The following GRM8 variants were observed in gnomAD, a reference collection of about 807,000 sequenced individuals.
GRM8 encodes the protein glutamate metabotropic receptor 8, also known as metabotropic glutamate receptor 8.
Under a neutral mutation model 87.2 loss-of-function variants are expected in GRM8, and 47 were observed. That is an observed-to-expected ratio of 0.54 (90% CI 0.43 to 0.69). The LOEUF (loss-of-function observed/expected upper bound fraction) is 0.69. Ranked by LOEUF, GRM8 falls within the 30% of genes least tolerant of loss-of-function variation. The probability of loss-of-function intolerance (pLI) is 0.00; values close to 1 mark genes in which losing one functional copy is unlikely to be tolerated. For synonymous variants in GRM8, 396 were observed against 404.5 expected, an observed-to-expected ratio of 0.98 and a Z score of 0.25; for missense variants, 1,019 against 1,139.2, an observed-to-expected ratio of 0.89 and a Z score of 1.52.
chr7:126,927,531 A>C (rs1425184383), intron 3 of GRM8, among the ~76,000 whole-genome samples: 1 of 152,214 alleles, frequency 6.6e-6, no homozygotes. Flanking sequence ...AAAGAAAAAA[A>C]CAACCCCATC....
At chr7:126,468,830 C>T (rs544618155) in intron 9 of GRM8, among the ~76,000 whole-genome samples, 1 of 152,072 alleles carries the variant, frequency 6.6e-6, no homozygotes, top group Non-Finnish European at 1.5e-5. Context: ...AGGCAGCATG[C>T]TATACTATTA....
chr7:126,914,245 T>C (rs1481737389), intron 3 of GRM8, among the ~76,000 whole-genome samples: 1 of 152,182 alleles, frequency 6.6e-6, no homozygotes. Context: ...CCAGTCAGAA[T>C]GACTATTATT....
chr7:127,051,346 A>G (rs2132490939), intron 3 of GRM8, among the ~76,000 whole-genome samples: 1 of 9,552 alleles, frequency 1.0e-4, no homozygotes, highest in Non-Finnish European at 2.4e-4. Flanking sequence ...CTTCGTGGCA[A>G]AAAAAAAACC....
At chr7:127,044,127 G>A (rs796083727) in intron 3 of GRM8, among the ~76,000 whole-genome samples, 12 of 152,324 alleles carry the variant, frequency 7.9e-5, no homozygotes, top group African/African-American at 2.4e-4. Flanking sequence ...CCTGTGGAGG[G>A]GAAGCTCAGA....
chr7:126,612,345 A>G (rs1429261085), intron 7 of GRM8, among the ~76,000 whole-genome samples: 9 of 152,146 alleles, frequency 5.9e-5, no homozygotes, highest in African/African-American at 2.2e-4. Flanking sequence ...TCCGGTCCCT[A>G]AATTCATTAT....
chr7:126,627,115 ATTG>A (rs1800783698), intron 7 of GRM8, among the ~76,000 whole-genome samples: 1 of 152,152 alleles, frequency 6.6e-6, no homozygotes, highest in South Asian at 2.1e-4. Context: ...ATCTGATACT[ATTG>A]TTAATGTTTC....
At chr7:126,667,717 G>A (rs1805923430) in intron 7 of GRM8, among the ~76,000 whole-genome samples, 1 of 152,178 alleles carries the variant, frequency 6.6e-6, no homozygotes, top group African/African-American at 2.4e-5. Context: ...AAAGCTGTTG[G>A]GCACAGCTTC....
chr7:126,793,795 G>A (rs1286244688), intron 6 of GRM8, among the ~76,000 whole-genome samples: 1 of 152,104 alleles, frequency 6.6e-6, no homozygotes, highest in Admixed American at 6.6e-5. Context: ...TATATCCTAA[G>A]TTATTTCCAT....
At chr7:126,976,318 G>A (rs529626640) in intron 3 of GRM8, among the ~76,000 whole-genome samples, 11 of 152,168 alleles carry the variant, frequency 7.2e-5, no homozygotes, top group Admixed American at 2.6e-4. Context: ...AGTATTGGCC[G>A]GGCGCAGTGG....
intron 2 of GRM8, among the ~76,000 whole-genome samples, chr7:127,143,901 T>C (rs1828408370): frequency 6.6e-6 from 1 of 152,128 alleles, no homozygotes; most frequent in Non-Finnish European, 1.5e-5. Flanking sequence ...CTGCAATAGG[T>C]ATAAATGTGT....
chr7:126,718,017 G>C (rs1238439498), intron 7 of GRM8, among the ~76,000 whole-genome samples: 1 of 152,004 alleles, frequency 6.6e-6, no homozygotes, highest in Non-Finnish European at 1.5e-5. Context: ...CGGATCACAA[G>C]GTCAGGAGAT....
At chr7:126,853,503 T>A (rs1797407227) in intron 6 of GRM8, among the ~76,000 whole-genome samples, 1 of 152,198 alleles carries the variant, frequency 6.6e-6, no homozygotes, top group South Asian at 2.1e-4. Context: ...CAGTTAGGAC[T>A]CTTCCTGGAC....
At chr7:126,507,706 A>C (rs1810691085) in intron 9 of GRM8, among the ~76,000 whole-genome samples, 1 of 152,046 alleles carries the variant, frequency 6.6e-6, no homozygotes, top group Admixed American at 6.6e-5. Context: ...CTTCCCTTTG[A>C]TGAAGGTCCG....
chr7:127,054,785 T>A (rs17869779), intron 3 of GRM8, among the ~76,000 whole-genome samples: 1,526 of 152,226 alleles, frequency 0.01, 22 homozygotes, highest in African/African-American at 0.033. Context: ...AATAAATAGG[T>A]TGTATAAACC....
chr7:126,782,663 G>T (rs1430538280), intron 6 of GRM8, among the ~76,000 whole-genome samples: 1 of 152,072 alleles, frequency 6.6e-6, no homozygotes, highest in African/African-American at 2.4e-5. Context: ...AAACACAAAC[G>T]ATTTTATAAC....
intron 2 of GRM8, among the ~76,000 whole-genome samples, chr7:127,223,304 A>C (rs1797057044): frequency 6.6e-6 from 1 of 152,056 alleles, no homozygotes; most frequent in South Asian, 2.1e-4. Flanking sequence ...ACATAGACCA[A>C]AAACAAATAA....
chr7:126,609,692 G>A (rs79535859), intron 7 of GRM8, among the ~76,000 whole-genome samples, 194 bp from the exon 8 acceptor site: 2 of 152,266 alleles, frequency 1.3e-5, no homozygotes, highest in African/African-American at 4.8e-5. Flanking sequence ...ATACACACAC[G>A]AGTAAGACGT....
chr7:127,043,428 T>C (rs944713681), intron 3 of GRM8, among the ~76,000 whole-genome samples: 2 of 152,164 alleles, frequency 1.3e-5, no homozygotes, highest in African/African-American at 4.8e-5. Flanking sequence ...TGGAATACTA[T>C]GCAGCCATAA....
chr7:126,763,442 CATATATATATATAT>C (rs750564318), intron 7 of GRM8, among the ~76,000 whole-genome samples: 3 of 119,900 alleles, frequency 2.5e-5, no homozygotes, highest in African/African-American at 6.0e-5. Flanking sequence ...ATGATAAATT[CATATATATATATAT>C]ATATATATAT....
Sources: allele counts gnomAD v4.1 joint callset (sites outside exome capture counted in the v4.1 genomes callset), GRCh38; gene constraint gnomAD v4.1.1; transcripts MANE v1.5; gene names NCBI Gene and HGNC (gene_info 2026-07-23, HGNC 2026-07-21).